Variants in ASIC2 observed in about 807,000 individuals in gnomAD.
ASIC2 encodes acid-sensing ion channel 2.
ASIC2 carries 25 observed loss-of-function variants against 57.3 expected under a neutral mutation model. The ratio of observed to expected loss-of-function variants is 0.44; its 90% CI spans 0.32 to 0.61. ASIC2 has a LOEUF of 0.61. ASIC2 is among the 20% of genes least tolerant of loss of function. ASIC2 has a pLI of 0.06. For missense variants in ASIC2, 641 were observed against 738.1 expected (o/e 0.87, Z 1.52); for synonymous variants, 319 against 307.5 (o/e 1.04, Z -0.39).
intron 1 of ASIC2, among the ~76,000 whole-genome samples, chr17:33,646,723 A>T (rs1399793199): frequency 6.6e-6 from 1 of 152,210 alleles, no homozygotes; most frequent in African/African-American, 2.4e-5. Context: ...TCGGTGAGGG[A>T]TCATCCCTGT....
At chr17:33,366,450 C>T (rs1908813272) in intron 1 of ASIC2, among the ~76,000 whole-genome samples, 1 of 152,162 alleles carries the variant, frequency 6.6e-6, no homozygotes, top group Non-Finnish European at 1.5e-5. Flanking sequence ...ACATGCACTG[C>T]CTTCCTCTTC....
chr17:33,198,427 C>T (rs1906725813), intron 1 of ASIC2, among the ~76,000 whole-genome samples: 1 of 152,218 alleles, frequency 6.6e-6, no homozygotes. Flanking sequence ...TAAACTAGTC[C>T]TATGCTCAAT....
chr17:33,600,658 C>T (rs1281823804), intron 1 of ASIC2, among the ~76,000 whole-genome samples: 3 of 152,096 alleles, frequency 2.0e-5, no homozygotes, highest in African/African-American at 7.2e-5. Context: ...TGGTGATGAC[C>T]TTGAGTGCTA....
At chr17:33,506,298 A>G (rs1251217667) in intron 1 of ASIC2, among the ~76,000 whole-genome samples, 3 of 151,648 alleles carry the variant, frequency 2.0e-5, no homozygotes, top group Admixed American at 2.0e-4. Flanking sequence ...CTGTAGTCCC[A>G]GCTACTCGGG....
chr17:33,023,956 G>A lies in ASIC2; in HGVS notation c.1254C>T (p.Thr418=), dbSNP rs1462394813. 1.2e-6 allele frequency: 2 copies of A among 1,614,222 alleles called. No homozygotes were observed. The highest frequency in any genetic ancestry group is 1.7e-6 in the Non-Finnish European group (2 of 1,180,040). Residue 418 remains threonine, a synonymous_variant, in exon 6 of 10, where the codon ACC becomes ACT. Coordinates refer to ENST00000225823, the MANE Select transcript of ASIC2 (RefSeq NM_183377.2). ...YCLCRTPCNL[T]RYNKELSMVK... is the part of the protein sequence containing the mutation. ...CCATGGAGAGCTCTTTGTTGTAGCG[G>A]GTTAGGTTGCAGGGTGTCCTGCAGA...
In ASIC2 at chr17:33,184,701, T is replaced by C. The variant is rs374717782; in HGVS notation, c.709-72634A>G. ...TATTTACACATCTCCCTGCATCCCG[T>C]TGGATACCTGCCTTTCAGGGGTAAG... On this transcript the variant is annotated intron_variant, in intron 1 of 9. Transcript: ENST00000225823. Among the ~76,000 whole-genome samples, 21 of 152,286 alleles carry C rather than the reference T, an allele frequency of 1.4e-4. No homozygotes were observed. The South Asian group carries it at 4.1e-3, about 30-fold the overall frequency.
chr17:33,427,147 G>A (rs569199431), intron 1 of ASIC2, among the ~76,000 whole-genome samples: 10 of 152,268 alleles, frequency 6.6e-5, no homozygotes, highest in Middle Eastern at 3.4e-3. Flanking sequence ...AGAAGGATTC[G>A]GGACTTACCC....
chr17:33,531,925 C>T (rs748804566), intron 1 of ASIC2, among the ~76,000 whole-genome samples: 1 of 152,174 alleles, frequency 6.6e-6, no homozygotes, highest in East Asian at 1.9e-4. Flanking sequence ...AGGTCAAGGG[C>T]CACATGGAAA....
intron 1 of ASIC2, among the ~76,000 whole-genome samples, chr17:34,063,475 C>T (rs1909044907): frequency 6.6e-6 from 1 of 152,162 alleles, no homozygotes; most frequent in African/African-American, 2.4e-5. Flanking sequence ...AGGATGCCCA[C>T]TTTCACCACT....
At chr17:33,365,972 G>A (rs1436374371) in intron 1 of ASIC2, among the ~76,000 whole-genome samples, 3 of 152,222 alleles carry the variant, frequency 2.0e-5, no homozygotes, top group Non-Finnish European at 4.4e-5. Context: ...TACAGTTCAG[G>A]TTGGTAAGCT....
chr17:33,433,001 T>G (rs1161357816), intron 1 of ASIC2, among the ~76,000 whole-genome samples: 1 of 152,166 alleles, frequency 6.6e-6, no homozygotes, highest in Non-Finnish European at 1.5e-5. Flanking sequence ...TGGTGATTCC[T>G]CAAAGACCTA....
At chr17:34,056,189 A>G (rs1459817699) in intron 1 of ASIC2, among the ~76,000 whole-genome samples, 1 of 152,162 alleles carries the variant, frequency 6.6e-6, no homozygotes, top group Non-Finnish European at 1.5e-5. Flanking sequence ...AAGAAAGTGG[A>G]GGAAGAACAA....
rs558724027 is a variant in ASIC2, at chr17:33,744,447, C to G, written c.555+411531G>C. On this transcript the variant is annotated intron_variant, in intron 1 of 9. Coordinates refer to the ASIC2 transcript ENST00000359872. ...AGAGCTCTGCTAAAACTACTGCTAT[C>G]CTAGGTGAGCACTGAGGAGCAAGCA... 2.6e-5 allele frequency among the ~76,000 whole-genome samples: 4 copies of G among 152,146 alleles called. No individual in the cohort carries two copies. The South Asian group carries it at 8.3e-4, about 32-fold the overall frequency.
At chr17:33,464,465 TTCTTTCTTTCTTTTCTCTC>T (rs1912746609) in intron 1 of ASIC2, among the ~76,000 whole-genome samples, 1 of 87,698 alleles carries the variant, frequency 1.1e-5, no homozygotes, top group Admixed American at 1.0e-4. Context: ...TTCTCTTTCT[TTCTTTCTTTCTTTTCTCTC>T]TTTCTTTCTT....
At chr17:33,670,675 T>C (rs1194509294) in intron 1 of ASIC2, among the ~76,000 whole-genome samples, 1 of 152,190 alleles carries the variant, frequency 6.6e-6, no homozygotes, top group East Asian at 1.9e-4. Flanking sequence ...CTTTCTGAAA[T>C]GGAAACGTGA....
chr17:33,430,429 C>T (rs561883664), intron 1 of ASIC2, among the ~76,000 whole-genome samples: 2 of 152,238 alleles, frequency 1.3e-5, no homozygotes, highest in African/African-American at 4.8e-5. Context: ...GGGAATACAG[C>T]GTTAAAAACT....
chr17:34,104,352 T>C (rs1399144845), intron 1 of ASIC2, among the ~76,000 whole-genome samples: 31 of 152,172 alleles, frequency 2.0e-4, no homozygotes, highest in Admixed American at 2.0e-3. Flanking sequence ...TGTTCATTCC[T>C]CAGGCTTTTC....
At chr17:33,551,874 C>T (rs1265728932) in intron 1 of ASIC2, among the ~76,000 whole-genome samples, 1 of 152,184 alleles carries the variant, frequency 6.6e-6, no homozygotes, top group African/African-American at 2.4e-5. Context: ...CCACATCCCT[C>T]CCCAAACCAG....
At chr17:33,408,097 G>A (rs568635884) in intron 1 of ASIC2, among the ~76,000 whole-genome samples, 47 of 152,304 alleles carry the variant, frequency 3.1e-4, no homozygotes, top group African/African-American at 1.1e-3. Flanking sequence ...CTTCTCATGA[G>A]TTTCCTTTCT....
Sources: gnomAD v4.1 joint callset for allele counts (sites outside exome capture counted in the v4.1 genomes callset) on GRCh38, gnomAD v4.1.1 for gene constraint, MANE v1.5 for transcripts, NCBI Gene and HGNC (gene_info 2026-07-23, HGNC 2026-07-21) for gene names.